Variants in EYS observed in about 807,000 individuals in gnomAD.
The protein encoded by EYS is protein eyes shut homolog.
Under a neutral mutation model 282.1 loss-of-function variants are expected in EYS, and 250 were observed. That is an observed-to-expected ratio of 0.89 (90% CI 0.80 to 0.98). The LOEUF (loss-of-function observed/expected upper bound fraction) is 0.98. Ranked by LOEUF, EYS falls within the 50% of genes least tolerant of loss-of-function variation. EYS has a pLI of 0.00. For synonymous variants in EYS, 1,355 were observed against 1,282.9 expected, an observed-to-expected ratio of 1.06 and a Z score of -1.20; for missense variants, 4,016 against 3,709.0, an observed-to-expected ratio of 1.08 and a Z score of -2.15.
chr6:63,950,587 C>T (rs373507549), intron 35 of EYS, among the ~76,000 whole-genome samples: 35 of 152,218 alleles, frequency 2.3e-4, no homozygotes, highest in South Asian at 8.3e-4. Context: ...CATGGACGCG[C>T]GTGACATTTG....
chr6:64,044,947 T>A (rs1046073322), intron 33 of EYS, among the ~76,000 whole-genome samples: 1 of 152,150 alleles, frequency 6.6e-6, no homozygotes, highest in Non-Finnish European at 1.5e-5. Flanking sequence ...CTAATTCCCT[T>A]GGGAATTAGC....
chr6:65,157,400 T>G (rs1369432947), intron 12 of EYS, among the ~76,000 whole-genome samples: 2 of 150,826 alleles, frequency 1.3e-5, no homozygotes, highest in African/African-American at 4.8e-5. Flanking sequence ...GATTTTTCTA[T>G]TTCTATACTT....
intron 28 of EYS, among the ~76,000 whole-genome samples, chr6:64,398,507 C>T (rs894629037): frequency 1.4e-5 from 1 of 71,726 alleles, no homozygotes; most frequent in African/African-American, 5.3e-5. Context: ...TCAGGTTTTA[C>T]ACACACACAC....
chr6:64,827,175 C>A (rs956292022), intron 19 of EYS, among the ~76,000 whole-genome samples: 1 of 151,814 alleles, frequency 6.6e-6, no homozygotes, highest in Non-Finnish European at 1.5e-5. Flanking sequence ...TAAAATTAAA[C>A]ATTCTCAATA....
At chr6:64,977,089 TGCCATGTTG>T (rs1292839685) in intron 14 of EYS, among the ~76,000 whole-genome samples, 1 of 151,764 alleles carries the variant, frequency 6.6e-6, no homozygotes, top group Non-Finnish European at 1.5e-5. Context: ...GATGGGATTT[TGCCATGTTG>T]GCTAGGCTGG....
At chr6:65,359,737 CTT>C (rs934956045) in intron 8 of EYS, among the ~76,000 whole-genome samples, 1 of 151,914 alleles carries the variant, frequency 6.6e-6, no homozygotes, top group African/African-American at 2.4e-5. Context: ...ACCTCTCTCT[CTT>C]TCTCTTTTTT....
At chr6:63,979,658 C>G (rs931546057) in intron 35 of EYS, among the ~76,000 whole-genome samples, 2 of 151,822 alleles carry the variant, frequency 1.3e-5, no homozygotes, top group African/African-American at 4.8e-5. Flanking sequence ...TAAATATTAT[C>G]TGTTTAATTT....
chr6:64,853,017 A>G (rs1422405328), intron 19 of EYS, among the ~76,000 whole-genome samples: 1 of 152,196 alleles, frequency 6.6e-6, no homozygotes, highest in Non-Finnish European at 1.5e-5. Context: ...GTGATAAATG[A>G]GAATATTTTT....
chr6:64,223,886 G>A (rs1766176340), intron 31 of EYS, among the ~76,000 whole-genome samples: 1 of 151,974 alleles, frequency 6.6e-6, no homozygotes, highest in Non-Finnish European at 1.5e-5. Context: ...ACTTGCAAAT[G>A]TTTAGCTAGT....
chr6:65,349,142 T>C (rs1293983556), intron 9 of EYS, among the ~76,000 whole-genome samples: 6 of 151,578 alleles, frequency 4.0e-5, no homozygotes, highest in South Asian at 4.1e-4. Context: ...TTTTATTATA[T>C]GTTATATATT....
chr6:65,340,982 A>G (rs1770179422), intron 10 of EYS, among the ~76,000 whole-genome samples: 1 of 151,216 alleles, frequency 6.6e-6, no homozygotes, highest in East Asian at 2.0e-4. Flanking sequence ...AATATTTTTC[A>G]TCAACTTCAC....
intron 12 of EYS, among the ~76,000 whole-genome samples, chr6:65,069,208 G>A (rs910705639): frequency 6.6e-6 from 1 of 151,904 alleles, no homozygotes; most frequent in Non-Finnish European, 1.5e-5. Flanking sequence ...TGCTTTTACT[G>A]TCTTCTTTGA....
At chr6:64,462,942 A>ATTTTGTTTTTTTTTT (rs777692265) in intron 26 of EYS, among the ~76,000 whole-genome samples, 1 of 105,926 alleles carries the variant, frequency 9.4e-6, no homozygotes, top group Non-Finnish European at 2.0e-5. Context: ...CTCAGCTTTA[A>ATTTTGTTTTTTTTTT]TTTTTTTTTT....
intron 33 of EYS, among the ~76,000 whole-genome samples, chr6:64,056,756 A>C (rs901747088): frequency 1.3e-5 from 2 of 152,158 alleles, no homozygotes; most frequent in Admixed American, 1.3e-4. Context: ...TTGCACTTCA[A>C]ATGGTGGGAG....
At chr6:65,501,737 G>C (rs927617105) in intron 2 of EYS, among the ~76,000 whole-genome samples, 7 of 151,560 alleles carry the variant, frequency 4.6e-5, no homozygotes, top group Non-Finnish European at 1.5e-5. Flanking sequence ...AAAAAGTATA[G>C]AGATTATTGT....
intron 22 of EYS, among the ~76,000 whole-genome samples, chr6:64,650,909 A>C (rs1472434473): frequency 1.3e-5 from 2 of 152,054 alleles, no homozygotes; most frequent in Non-Finnish European, 2.9e-5. Flanking sequence ...GCAATATATT[A>C]AAAATAATAA....
At chr6:64,138,073 G>A (rs376760862) in intron 31 of EYS, among the ~76,000 whole-genome samples, 14 of 152,250 alleles carry the variant, frequency 9.2e-5, no homozygotes, top group African/African-American at 3.4e-4. Flanking sequence ...AAAGCGAGAT[G>A]AAGCAAGAAA....
intron 5 of EYS, among the ~76,000 whole-genome samples, chr6:65,410,602 T>TA (rs1420765952): frequency 2.0e-5 from 3 of 151,512 alleles, no homozygotes; most frequent in African/African-American, 7.3e-5. Flanking sequence ...TACTAGCTTT[T>TA]TTTTTTTTTT....
chr6:63,765,064 T>TGCCCTG (rs563532799), intron 40 of EYS, among the ~76,000 whole-genome samples: 1 of 149,812 alleles, frequency 6.7e-6, no homozygotes, highest in African/African-American at 2.5e-5. Context: ...GTAGATTTTG[T>TGCCCTG]AGAAGTATGT....
Sources: gnomAD v4.1 joint callset for allele counts (sites outside exome capture counted in the v4.1 genomes callset) on GRCh38, gnomAD v4.1.1 for gene constraint, MANE v1.5 for transcripts, NCBI Gene and HGNC (gene_info 2026-07-23, HGNC 2026-07-21) for gene names.